BTRC: variants seen among roughly 807,000 people sequenced by gnomAD.
BTRC encodes the protein beta-transducin repeat containing E3 ubiquitin protein ligase, also known as F-box/WD repeat-containing protein 1A.
A neutral mutation model predicts 85.5 loss-of-function variants in BTRC; 42 were observed. That is an observed-to-expected ratio of 0.49 (90% CI 0.38 to 0.64). The LOEUF (loss-of-function observed/expected upper bound fraction) is 0.64. BTRC is among the 30% of genes least tolerant of loss of function. The pLI, the probability that BTRC is intolerant of heterozygous loss-of-function variation, is 0.00. For missense variants in BTRC, 594 were observed against 743.5 expected (o/e 0.80, Z 2.34); for synonymous variants, 255 against 263.3 (o/e 0.97, Z 0.30).
At chr10:101,394,357 G>A (rs932180876) in intron 1 of BTRC, among the ~76,000 whole-genome samples, 1 of 152,090 alleles carries the variant, frequency 6.6e-6, no homozygotes, top group Non-Finnish European at 1.5e-5. Flanking sequence ...GGAGGTTGGG[G>A]GACATGTAGA....
At chr10:101,519,046 A>C (rs2062063453) in intron 4 of BTRC, among the ~76,000 whole-genome samples, 2 of 150,362 alleles carry the variant, frequency 1.3e-5, no homozygotes, top group African/African-American at 2.4e-5. Flanking sequence ...TCTCATCTGG[A>C]AGCTCAGAGG....
chr10:101,489,074 A>G (rs961020293), intron 4 of BTRC, among the ~76,000 whole-genome samples: 17 of 151,988 alleles, frequency 1.1e-4, no homozygotes, highest in Middle Eastern at 3.2e-3. Context: ...CCATCTCCCT[A>G]CCCTCTTCCC....
chr10:101,447,232 A>G (rs1287315232), intron 2 of BTRC, among the ~76,000 whole-genome samples: 2 of 152,148 alleles, frequency 1.3e-5, no homozygotes, highest in East Asian at 1.9e-4. Context: ...CTTGAAACCT[A>G]TCCAGGCCCT....
At chr10:101,470,858 T>A (rs2134196834) in intron 3 of BTRC, among the ~76,000 whole-genome samples, 1 of 152,358 alleles carries the variant, frequency 6.6e-6, no homozygotes, top group Non-Finnish European at 1.5e-5. Flanking sequence ...AGCACCATTG[T>A]TGAAAAGACT....
rs547098497 is a variant in BTRC, at chr10:101,448,269, C to T, written c.157-13712C>T. Among the ~76,000 whole-genome samples, 4 of 152,156 alleles carry T rather than the reference C, an allele frequency of 2.6e-5. No individual in the cohort carries two copies. The South Asian group carries it at 6.2e-4, about 24-fold the overall frequency. On this transcript the variant is annotated intron_variant, in intron 2 of 14. Transcript: ENST00000370187. ...GTTCCTTCTATTGGAGAAAAAACAT[C>T]TTTTAAAAATTTGTTACTTACACAT...
At chr10:101,410,996 CTTTTTTT>C in intron 1 of BTRC, among the ~76,000 whole-genome samples, 1 of 122,460 alleles carries the variant, frequency 8.2e-6, no homozygotes, top group South Asian at 2.5e-4. Context: ...ATTTCTGGCA[CTTTTTTT>C]TTTTTTTTTT....
intron 3 of BTRC, among the ~76,000 whole-genome samples, chr10:101,474,276 G>C (rs969536384): frequency 6.6e-6 from 1 of 152,082 alleles, no homozygotes; most frequent in Non-Finnish European, 1.5e-5. Context: ...ACCTTGTGGA[G>C]GCTTGGTTTT....
At chr10:101,402,566 T>G (rs1335425718) in intron 1 of BTRC, among the ~76,000 whole-genome samples, 1 of 152,204 alleles carries the variant, frequency 6.6e-6, no homozygotes, top group African/African-American at 2.4e-5. Context: ...GAGAAAATAA[T>G]TCCTATCTTA....
rs1164265902 is a variant in BTRC at position 101,367,043 on chromosome 10, A to AAT, written c.48+12829_48+12830dup. Among the ~76,000 whole-genome samples, 222 of 43,396 alleles carry AAT rather than the reference A, an allele frequency of 5.1e-3. 24 individuals carry two copies. Among genetic ancestry groups the AAT allele is most frequent in the Middle Eastern group, 0.017 (1 of 60 alleles). 28.5% of individuals were successfully genotyped at this position (43,396 alleles called of 152,430 possible). A position where few individuals can be genotyped will look rare whatever the true frequency, so the allele number is the denominator to read the frequency against. ...TTATATTTATATATTTATATATATAAATATATATATATATAAATATAAATA... is the reference window on the plus strand; with the variant it reads ...TTATATTTATATATTTATATATATAAATATATATATATATATAAATATAAATA... On this transcript the variant is annotated intron_variant, in intron 1 of 14. Transcript: ENST00000370187.
intron 2 of BTRC, among the ~76,000 whole-genome samples, chr10:101,450,082 A>G (rs1157386002): frequency 1.3e-5 from 2 of 152,014 alleles, no homozygotes; most frequent in Non-Finnish European, 2.9e-5. Context: ...GCCAAAAAAA[A>G]AAACCTGTAA....
At chr10:101,393,695 T>C (rs1484243826) in intron 1 of BTRC, among the ~76,000 whole-genome samples, 8 of 152,088 alleles carry the variant, frequency 5.3e-5, no homozygotes, top group Non-Finnish European at 7.4e-5. Context: ...ATTATTGTAG[T>C]ATGAGAGTAG....
intron 4 of BTRC, among the ~76,000 whole-genome samples, chr10:101,518,637 T>C (rs556895384): frequency 6.6e-6 from 1 of 152,264 alleles, no homozygotes; most frequent in African/African-American, 2.4e-5. Flanking sequence ...GATTTGACCC[T>C]GGCTACTTCT....
chr10:101,433,911 A>G (rs1944462050), intron 2 of BTRC, among the ~76,000 whole-genome samples: 1 of 152,132 alleles, frequency 6.6e-6, no homozygotes, highest in Non-Finnish European at 1.5e-5. Context: ...TTTTGTTTAT[A>G]TGGCTTATAT....
At chr10:101,446,948 T>C (rs1169631304) in intron 2 of BTRC, among the ~76,000 whole-genome samples, 1 of 149,836 alleles carries the variant, frequency 6.7e-6, no homozygotes, top group Non-Finnish European at 1.5e-5. Flanking sequence ...TTGATTTTTT[T>C]ATGTGTGTCC....
intron 3 of BTRC, among the ~76,000 whole-genome samples, chr10:101,470,281 G>A (rs1199499015): frequency 2.0e-5 from 3 of 150,628 alleles, no homozygotes; most frequent in Non-Finnish European, 4.4e-5. Flanking sequence ...ATGTTTTGAT[G>A]AGAAGTTTCT....
At chr10:101,443,409 C>T (rs1944742653) in intron 2 of BTRC, among the ~76,000 whole-genome samples, 1 of 152,164 alleles carries the variant, frequency 6.6e-6, no homozygotes, top group African/African-American at 2.4e-5. Flanking sequence ...TTCAGTTTAA[C>T]TCTAGGCATT....
At chr10:101,475,319 C>A (rs1159852205) in intron 3 of BTRC, among the ~76,000 whole-genome samples, 1 of 152,170 alleles carries the variant, frequency 6.6e-6, no homozygotes, top group Non-Finnish European at 1.5e-5. Flanking sequence ...GCAGGTGGAT[C>A]AATTAAGGTC....
chr10:101,533,703 T>A (rs1403698154), intron 9 of BTRC, among the ~76,000 whole-genome samples: 8 of 149,572 alleles, frequency 5.3e-5, no homozygotes, highest in African/African-American at 2.0e-4. Context: ...AAAGTAACTT[T>A]AAAAAAAAAA....
intron 4 of BTRC, among the ~76,000 whole-genome samples, chr10:101,502,611 G>A (rs1270577599): frequency 6.6e-6 from 1 of 152,052 alleles, no homozygotes; most frequent in African/African-American, 2.4e-5. Context: ...AGTGCCTATG[G>A]ACAAAGCATC....
Sources: allele counts gnomAD v4.1 joint callset (sites outside exome capture counted in the v4.1 genomes callset), GRCh38; gene constraint gnomAD v4.1.1; transcripts MANE v1.5; gene names NCBI Gene and HGNC (gene_info 2026-07-23, HGNC 2026-07-21).